ST18: variants seen among roughly 807,000 people sequenced by gnomAD.
The protein encoded by ST18 is suppression of tumorigenicity 18 protein.
ST18 carries 50 observed loss-of-function variants against 110.0 expected under a neutral mutation model. That is an observed-to-expected ratio of 0.45 (90% CI 0.36 to 0.58). The LOEUF (loss-of-function observed/expected upper bound fraction) is 0.58, where lower values mean the gene tolerates loss of function less well. Ranked by LOEUF, ST18 falls within the 20% of genes least tolerant of loss-of-function variation. ST18 has a pLI of 0.00. For synonymous variants in ST18, 461 were observed against 452.4 expected (o/e 1.02, Z -0.24); for missense variants, 1,306 against 1,280.1 (o/e 1.02, Z -0.31).
chr8:52,261,635 C>T (rs150840404), intron 2 of ST18, among the ~76,000 whole-genome samples: 5 of 152,292 alleles, frequency 3.3e-5, no homozygotes, highest in Admixed American at 6.5e-5. Context: ...AACACATCTA[C>T]CCATTCAGGG....
intron 8 of ST18, chr8:52,199,265 A>T (rs2077185609): frequency 6.6e-6 from 1 of 152,160 alleles, no homozygotes; most frequent in Admixed American, 6.6e-5. Flanking sequence ...GGTACTACAG[A>T]TCAAGCAAGA....
rs965869967 is a variant in ST18 at position 52,133,091 on chromosome 8, G to A, written c.2410C>T (p.Pro804Ser). Residue 804 changes from proline to serine, a missense_variant, in exon 21 of 26, where the codon CCT (proline) becomes TCT (serine). Physicochemically the swap from Pro to Ser is moderately conservative, Grantham distance 74. Coordinates refer to ENST00000689386, the MANE Select transcript of ST18 (RefSeq NM_001352837.2). The part of the protein sequence containing the change: ...RARKGGVKMT[P>S]TKEEKEDPEL... ...GGGTCTTCTTTTTCTTCCTTGGTAGGGGTCATTTTGACACCACCTTTCCTT... is the reference window on the plus strand; with the variant it reads ...GGGTCTTCTTTTTCTTCCTTGGTAGAGGTCATTTTGACACCACCTTTCCTT... The A allele has an allele frequency of 5.0e-6, 8 of 1,613,960 alleles. No individual in the cohort carries two copies. Among genetic ancestry groups the A allele is most frequent in the Non-Finnish European group, 6.8e-6 (8 of 1,180,026 alleles).
intron 2 of ST18, among the ~76,000 whole-genome samples, chr8:52,334,685 T>C (rs1011288519): frequency 8.6e-5 from 13 of 151,636 alleles, no homozygotes; most frequent in African/African-American, 3.2e-4. Context: ...AGCTAAATGG[T>C]ATGTCTTCCA....
chr8:52,265,439 CA>C (rs1220186586), intron 2 of ST18, among the ~76,000 whole-genome samples: 2 of 152,272 alleles, frequency 1.3e-5, no homozygotes, highest in Non-Finnish European at 2.9e-5. Context: ...GCTCTAGCAG[CA>C]GTATGGAGAA....
At chr8:52,321,682 T>C (rs975009759) in intron 2 of ST18, among the ~76,000 whole-genome samples, 2 of 152,216 alleles carry the variant, frequency 1.3e-5, no homozygotes, top group African/African-American at 4.8e-5. Flanking sequence ...AACTAGGTCA[T>C]TTATGAATTT....
At chr8:52,319,851 G>C (rs933483991) in intron 2 of ST18, among the ~76,000 whole-genome samples, 2 of 152,112 alleles carry the variant, frequency 1.3e-5, no homozygotes, top group Admixed American at 6.5e-5. Flanking sequence ...TCTCCAACAT[G>C]GTGGTCTCAG....
At chr8:52,315,229 G>A (rs763344828) in intron 2 of ST18, among the ~76,000 whole-genome samples, 3 of 152,228 alleles carry the variant, frequency 2.0e-5, no homozygotes, top group Non-Finnish European at 4.4e-5. Context: ...ACAAGGCTTT[G>A]CCGTATTTCC....
chr8:52,295,708 T>C lies in ST18; in HGVS notation c.-464-65631A>G, dbSNP rs1380837076. On this transcript the variant is annotated intron_variant, in intron 2 of 25. Transcript: ENST00000689386. Reference sequence around the variant, plus strand: ...GCAAATGAAAGAGCTTCTCTTTTTTTCCTTTTTTTTTTTTTTTTTTGAATT... The same window carrying C: ...GCAAATGAAAGAGCTTCTCTTTTTTCCCTTTTTTTTTTTTTTTTTTGAATT... 1.3e-4 allele frequency among the ~76,000 whole-genome samples: 12 copies of C among 91,184 alleles called. No homozygotes were observed. The East Asian group carries it at 3.3e-3, about 25-fold the overall frequency. 59.8% of individuals were successfully genotyped at this position (91,184 alleles called of 152,430 possible).
At chr8:52,219,455 A>G (rs187861021) in intron 5 of ST18, among the ~76,000 whole-genome samples, 62 of 152,282 alleles carry the variant, frequency 4.1e-4, no homozygotes, top group African/African-American at 1.4e-3. Context: ...TAATTTTCAA[A>G]ACTTTTCATC....
chr8:52,335,936 G>A (rs1428102976), intron 2 of ST18, among the ~76,000 whole-genome samples: 1 of 151,960 alleles, frequency 6.6e-6, no homozygotes, highest in Non-Finnish European at 1.5e-5. Flanking sequence ...TCTCCACATG[G>A]CCTACAAGTT....
intron 2 of ST18, among the ~76,000 whole-genome samples, chr8:52,395,371 G>A (rs918842926): frequency 1.3e-5 from 2 of 152,218 alleles, no homozygotes; most frequent in African/African-American, 2.4e-5. Flanking sequence ...AGGGAGACCC[G>A]TTAGGAGTGG....
chr8:52,247,264 A>G (rs2093938975), intron 2 of ST18, among the ~76,000 whole-genome samples: 1 of 152,224 alleles, frequency 6.6e-6, no homozygotes, highest in South Asian at 2.1e-4. Context: ...TGTCAAGTAG[A>G]TAAAGCCATG....
At chr8:52,261,793 C>T (rs748597392) in intron 2 of ST18, among the ~76,000 whole-genome samples, 12 of 152,266 alleles carry the variant, frequency 7.9e-5, no homozygotes, top group Non-Finnish European at 1.5e-4. Context: ...ATCCCAGGAC[C>T]GAGTCTTTCT....
chr8:52,126,382 C>A (rs2047074553), intron 22 of ST18, among the ~76,000 whole-genome samples: 1 of 152,202 alleles, frequency 6.6e-6, no homozygotes, highest in Non-Finnish European at 1.5e-5. Flanking sequence ...ACTGCTGATA[C>A]ACAATTATTA....
At chr8:52,290,588 G>A (rs2095540914) in intron 2 of ST18, among the ~76,000 whole-genome samples, 1 of 152,190 alleles carries the variant, frequency 6.6e-6, no homozygotes, top group Admixed American at 6.5e-5. Flanking sequence ...ACAGAGTTTT[G>A]TGAAAGAGGC....
chr8:52,306,977 G>GT (rs2095823761), intron 2 of ST18, among the ~76,000 whole-genome samples: 1 of 152,048 alleles, frequency 6.6e-6, no homozygotes, highest in South Asian at 2.1e-4. Flanking sequence ...ATAAACTAGG[G>GT]TCTGAATGTT....
chr8:52,267,929 C>A (rs993895318), intron 2 of ST18, among the ~76,000 whole-genome samples: 4 of 152,118 alleles, frequency 2.6e-5, no homozygotes, highest in African/African-American at 9.7e-5. Context: ...CTAGGGCAGA[C>A]GTCTGAGATC....
chr8:52,222,404 G>A (rs953012664), intron 3 of ST18, among the ~76,000 whole-genome samples: 13 of 152,178 alleles, frequency 8.5e-5, no homozygotes, highest in Non-Finnish European at 1.3e-4. Flanking sequence ...TCAACAGCCC[G>A]GCCGTTTGCT....
chr8:52,118,308 T>A, intron 24 of ST18, 30 bp downstream of exon 24: 1 of 1,428,888 alleles, frequency 7.0e-7, no homozygotes, highest in South Asian at 1.2e-5. Context: ...ATGATTACAT[T>A]AAGGATCATG....
Sources: gnomAD v4.1 joint callset for allele counts (sites outside exome capture counted in the v4.1 genomes callset) on GRCh38, gnomAD v4.1.1 for gene constraint, MANE v1.5 for transcripts, NCBI Gene and HGNC (gene_info 2026-07-23, HGNC 2026-07-21) for gene names.